Variants in ADGRL2 observed in about 807,000 individuals in gnomAD.
ADGRL2 encodes adhesion G protein-coupled receptor L2.
In ADGRL2, 44 loss-of-function variants were observed where a neutral mutation model predicts 157.4. That is an observed-to-expected ratio of 0.28 (90% CI 0.22 to 0.36). ADGRL2 has a LOEUF of 0.36. Ranked by LOEUF, ADGRL2 falls within the 10% of genes least tolerant of loss-of-function variation. The pLI is 1.00. For missense variants in ADGRL2, 1,510 were observed against 1,768.9 expected (o/e 0.85, Z 2.63); for synonymous variants, 585 against 624.7 (o/e 0.94, Z 0.95).
chr1:81,489,294 A>T (rs1040366895), intron 2 of ADGRL2, among the ~76,000 whole-genome samples: 1 of 152,038 alleles, frequency 6.6e-6, no homozygotes, highest in African/African-American at 2.4e-5. Context: ...AAACTAAAAA[A>T]ATCAAGAGCT....
At chr1:81,436,776 C>T (rs550081065) in intron 1 of ADGRL2, among the ~76,000 whole-genome samples, 26 of 152,310 alleles carry the variant, frequency 1.7e-4, no homozygotes, top group African/African-American at 6.0e-4. Flanking sequence ...AAAGGAGAAA[C>T]TCTTGTTGTC....
chr1:81,400,862 G>T (rs778097453), intron 1 of ADGRL2, among the ~76,000 whole-genome samples: 4 of 152,112 alleles, frequency 2.6e-5, no homozygotes, highest in African/African-American at 7.2e-5. Context: ...GGCCTTTAGG[G>T]TGTGATGTCT....
At chr1:81,494,705 T>A (rs2147973375) in intron 2 of ADGRL2, among the ~76,000 whole-genome samples, 1 of 152,278 alleles carries the variant, frequency 6.6e-6, no homozygotes. Context: ...ACACTTCTCT[T>A]TTACAAATTC....
chr1:81,555,472 T>C (rs1340767870), intron 2 of ADGRL2, among the ~76,000 whole-genome samples: 1 of 152,106 alleles, frequency 6.6e-6, no homozygotes, highest in Non-Finnish European at 1.5e-5. Context: ...TTTCACCATA[T>C]TGGCCAGTCT....
chr1:81,925,398 A>G (rs998572345), intron 3 of ADGRL2, among the ~76,000 whole-genome samples: 59 of 152,022 alleles, frequency 3.9e-4, no homozygotes, highest in Non-Finnish European at 1.6e-4. Flanking sequence ...AGAAGTTGCA[A>G]GAGGAAGAAA....
At chr1:81,726,746 T>C (rs1332295432) in intron 1 of ADGRL2, among the ~76,000 whole-genome samples, 2 of 152,250 alleles carry the variant, frequency 1.3e-5, no homozygotes, top group African/African-American at 4.8e-5. Context: ...TTTCACGTTA[T>C]ATAGCTCACA....
At chr1:81,926,568 T>C (rs2095111506) in intron 3 of ADGRL2, among the ~76,000 whole-genome samples, 1 of 152,068 alleles carries the variant, frequency 6.6e-6, no homozygotes, top group Non-Finnish European at 1.5e-5. Flanking sequence ...TTTTTATAAA[T>C]AATTGCTCTT....
intron 1 of ADGRL2, among the ~76,000 whole-genome samples, chr1:81,835,992 G>A (rs531764791): frequency 1.2e-4 from 18 of 152,198 alleles, no homozygotes; most frequent in South Asian, 1.0e-3. Flanking sequence ...CGTGTGATAA[G>A]CTACATGAAG....
At chr1:81,390,238 T>G (rs1399277175) in intron 1 of ADGRL2, among the ~76,000 whole-genome samples, 1 of 152,304 alleles carries the variant, frequency 6.6e-6, no homozygotes, top group East Asian at 1.9e-4. Flanking sequence ...GAATGGTGCA[T>G]GTAGCAAACG....
intron 2 of ADGRL2, among the ~76,000 whole-genome samples, chr1:81,841,039 A>G (rs540388045): frequency 6.6e-6 from 1 of 152,282 alleles, no homozygotes; most frequent in Admixed American, 6.5e-5. Context: ...AGTTAGACAC[A>G]TGAAGGCTTG....
chr1:81,722,241 G>C lies in ADGRL2; in HGVS notation c.-143+22433G>C, dbSNP rs369708812. ...CCGGGAGGCGGAGCTTGCAGTGAGC[G>C]GAGATCGCGCCACTGCACTCCAGCC... On this transcript the variant is annotated intron_variant, in intron 1 of 20. Coordinates refer to the ADGRL2 transcript ENST00000359929. 964 of 397,506 alleles carry C rather than the reference G, an allele frequency of 2.4e-3. 17 individuals carry two copies. The highest frequency in any genetic ancestry group is 0.019 in the South Asian group (910 of 47,440). 24.6% of individuals were successfully genotyped at this position (397,506 alleles called of 1,614,324 possible).
At chr1:81,667,152 C>T (rs369658486) in intron 3 of ADGRL2, among the ~76,000 whole-genome samples, 22 of 152,182 alleles carry the variant, frequency 1.4e-4, no homozygotes, top group Middle Eastern at 3.4e-3. Flanking sequence ...AACAAAAGAA[C>T]GGGGGTGCTA....
At chr1:81,567,553 G>A (rs564325625) in intron 2 of ADGRL2, among the ~76,000 whole-genome samples, 21 of 152,084 alleles carry the variant, frequency 1.4e-4, no homozygotes, top group Admixed American at 5.9e-4. Flanking sequence ...AAAACACTTC[G>A]TGTCCCAAGA....
In ADGRL2 at chr1:81,722,567, C is replaced by G. The variant is rs949931985; in HGVS notation, c.-143+22759C>G. On this transcript the variant is annotated intron_variant, in intron 1 of 20. Transcript: ENST00000359929. ...CAGCCTTACAAATGGCGAGGGAAAG[C>G]ACACAGACGCCTAGGCCACTGGGAA... is the stretch of plus-strand genomic sequence containing the variant. 4.7e-6 allele frequency: 7 copies of G among 1,492,392 alleles called. No individual in the cohort carries two copies. In the Admixed American group the frequency reaches 1.2e-4, roughly 25 times the overall value. The allele number at this position is 1,492,392 out of a possible 1,614,324, so 92.4% of individuals were successfully genotyped here. A position where few individuals can be genotyped will look rare whatever the true frequency, so the allele number is the denominator to read the frequency against.
intron 1 of ADGRL2, among the ~76,000 whole-genome samples, chr1:81,824,075 C>T (rs1473077709): frequency 6.6e-6 from 1 of 152,068 alleles, no homozygotes; most frequent in Non-Finnish European, 1.5e-5. Context: ...AGCACTTACT[C>T]TCTTAATTAC....
intron 2 of ADGRL2, among the ~76,000 whole-genome samples, chr1:81,782,632 C>T (rs1466847517): frequency 1.3e-5 from 2 of 152,090 alleles, no homozygotes; most frequent in African/African-American, 4.8e-5. Context: ...AAAGGGAGAC[C>T]ACTCTATCAC....
At chr1:81,752,560 A>G (rs1210283351) in intron 1 of ADGRL2, among the ~76,000 whole-genome samples, 1 of 152,096 alleles carries the variant, frequency 6.6e-6, no homozygotes, top group Non-Finnish European at 1.5e-5. Context: ...TTTTTGAAAC[A>G]AGAGTCTCAC....
At chr1:81,430,820 T>A (rs1010269049) in intron 1 of ADGRL2, among the ~76,000 whole-genome samples, 6 of 152,104 alleles carry the variant, frequency 3.9e-5, no homozygotes. Flanking sequence ...AAAGTGCCAA[T>A]CCTCCCTCTG....
rs1323537587 is a variant in ADGRL2 at position 81,966,075 on chromosome 1, C to G, written c.2035C>G (p.Leu679Val). ...TENIVLEVAVLSTEGQIQDFK... is the reference protein window; with the variant it reads ...TENIVLEVAVVSTEGQIQDFK... ...TCATCCAGTCCTGGAAGTTGCCGTA[C>G]TCAGTACAGAAGGACAGATCCAAGA... Residue 679 changes from leucine to valine, a missense_variant, in exon 12 of 24, where the codon CTC (leucine) becomes GTC (valine). Leu to Val is a conservative substitution (Grantham distance 32, BLOSUM62 1). Transcript: ENST00000686636. 6.2e-7 allele frequency: 1 copy of G among 1,613,994 alleles called. No individual in the cohort carries two copies. The highest frequency in any genetic ancestry group is 2.2e-5 in the East Asian group (1 of 44,856).
Sources: gnomAD v4.1 joint callset for allele counts (sites outside exome capture counted in the v4.1 genomes callset) on GRCh38, gnomAD v4.1.1 for gene constraint, MANE v1.5 for transcripts, NCBI Gene and HGNC (gene_info 2026-07-23, HGNC 2026-07-21) for gene names.